The following GPR83 variants were observed in gnomAD, a reference collection of about 807,000 sequenced individuals.
The protein encoded by GPR83 is G protein-coupled receptor 83.
A neutral mutation model predicts 28.0 loss-of-function variants in GPR83; 23 were observed. The observed-to-expected ratio is 0.82, with a 90% CI of 0.59 to 1.16. The LOEUF is 1.16. GPR83 is among the 50% of genes most tolerant of loss of function. GPR83 has a pLI of 0.00. For synonymous variants in GPR83, 234 were observed against 215.4 expected, an observed-to-expected ratio of 1.09 and a Z score of -0.76; for missense variants, 610 against 536.6, an observed-to-expected ratio of 1.14 and a Z score of -1.35.
At chr11:94,392,094 C>G (rs1009549297) in intron 3 of GPR83, among the ~76,000 whole-genome samples, 2 of 152,016 alleles carry the variant, frequency 1.3e-5, no homozygotes, top group African/African-American at 2.4e-5. Flanking sequence ...CAATGATAGA[C>G]TGGATAAAGA....
intron 3 of GPR83, among the ~76,000 whole-genome samples, chr11:94,388,706 C>T (rs1591604452): frequency 6.6e-6 from 1 of 152,170 alleles, no homozygotes; most frequent in Non-Finnish European, 1.5e-5. Context: ...ATTCCATGCT[C>T]GTGGGTAGGA....
chr11:94,378,646 C>T lies in GPR83; in HGVS notation c.*1503G>A, dbSNP rs956637855. On this transcript the variant is annotated 3_prime_UTR_variant, in exon 4 of 4. Transcript: ENST00000243673. ...CACCAAAATGATGTTGACAGCGAATCTCCTTTTGAGAAATGGTGTGAAAAA... is the reference window on the plus strand; with the variant it reads ...CACCAAAATGATGTTGACAGCGAATTTCCTTTTGAGAAATGGTGTGAAAAA... 1 of 152,640 alleles carries T rather than the reference C, an allele frequency of 6.6e-6. No individual in the cohort carries two copies. The highest frequency in any genetic ancestry group is 2.4e-5 in the African/African-American group (1 of 41,450). The allele number at this position is 152,640 out of a possible 1,614,324, so 9.5% of individuals were successfully genotyped here.
intron 3 of GPR83, among the ~76,000 whole-genome samples, chr11:94,392,214 A>G (rs1038035981): frequency 1.3e-5 from 2 of 152,096 alleles, no homozygotes; most frequent in African/African-American, 4.8e-5. Flanking sequence ...TCAGCAAACT[A>G]TCACAAGAAC....
intron 1 of GPR83, among the ~76,000 whole-genome samples, chr11:94,397,518 T>C (rs1488298449): frequency 6.6e-6 from 1 of 152,212 alleles, no homozygotes; most frequent in Non-Finnish European, 1.5e-5. Context: ...GAGTATAATG[T>C]AGTGACTTAC....
intron 1 of GPR83, among the ~76,000 whole-genome samples, chr11:94,398,017 T>A (rs1362506513): frequency 6.6e-6 from 1 of 152,218 alleles, no homozygotes; most frequent in Non-Finnish European, 1.5e-5. Context: ...TTCTCACCCT[T>A]CACATTGGGA....
At chr11:94,393,693 G>T in intron 2 of GPR83, 75 bp from the exon 3 acceptor site, 1 of 1,384,926 alleles carries the variant, frequency 7.2e-7, no homozygotes, top group South Asian at 1.2e-5. Context: ...AGGCGCAGGT[G>T]CTCACTCCTG....
At position 94,396,501 on chromosome 11, in the gene GPR83, C is replaced by T. The variant is rs1446600064; in HGVS notation, c.411G>A (p.Trp137Ter). ...CATGGCACATGCCCTTCCCAAATAT[C>T]CATGTGCTGTTCACAAAGCGAACCT... ...FTLVRFVNST[W>*]IFGKGMCHVS... is the part of the protein sequence containing the mutation. Residue 137 changes from tryptophan (W) to a stop codon, truncating the protein, a stop_gained, in exon 2 of 4, where the codon TGG (tryptophan) becomes TGA (stop). Transcript: ENST00000243673. LOFTEE classifies it high-confidence loss of function. 6.2e-7 allele frequency: 1 copy of T among 1,614,034 alleles called. No homozygotes were observed. Among genetic ancestry groups the T allele is most frequent in the Admixed American group, 1.7e-5 (1 of 60,034 alleles).
Position 94,380,094 on chromosome 11 carries a change from C to T in GPR83, c.*55G>A. 3.6e-6 allele frequency: 5 copies of T among 1,400,734 alleles called. No homozygotes were observed. Among genetic ancestry groups the T allele is most frequent in the Non-Finnish European group, 4.8e-6 (5 of 1,042,162 alleles). 86.8% of individuals were successfully genotyped at this position (1,400,734 alleles called of 1,614,324 possible). ...AAGATCATGTGTGAGAATAGGCTCT[C>T]TTTCCCTGCCTCAGGTGGAGACAGA... On this transcript the variant is annotated 3_prime_UTR_variant, in exon 4 of 4. Transcript: ENST00000243673.
intron 1 of GPR83, among the ~76,000 whole-genome samples, chr11:94,399,833 C>T (rs1184343017): frequency 1.3e-5 from 2 of 152,196 alleles, no homozygotes; most frequent in Non-Finnish European, 2.9e-5. Context: ...TCAGTCATCG[C>T]CCTTACAGTC....
At chr11:94,392,023 CAT>C (rs1372768154) in intron 3 of GPR83, among the ~76,000 whole-genome samples, 18 of 152,194 alleles carry the variant, frequency 1.2e-4, no homozygotes, top group Admixed American at 1.3e-4. Flanking sequence ...CACACGCACA[CAT>C]ATGTTTATTG....
chr11:94,395,468 G>C (rs1031150816), intron 2 of GPR83, among the ~76,000 whole-genome samples: 1 of 152,164 alleles, frequency 6.6e-6, no homozygotes, highest in Admixed American at 6.5e-5. Context: ...CATGGGCTTG[G>C]AGCCAGACAG....
chr11:94,383,427 T>G (rs1208042611), intron 3 of GPR83, among the ~76,000 whole-genome samples: 3 of 151,414 alleles, frequency 2.0e-5, no homozygotes, highest in Admixed American at 2.0e-4. Context: ...TTAAAAGAAC[T>G]CAAGAAGCAA....
intron 3 of GPR83, among the ~76,000 whole-genome samples, chr11:94,386,317 C>A (rs1384860701): frequency 6.6e-6 from 1 of 152,126 alleles, no homozygotes; most frequent in East Asian, 1.9e-4. Flanking sequence ...CAGCTAACAT[C>A]ATAATGACAG....
In GPR83 at chr11:94,393,427, G is replaced by T. The variant is rs1430340827; in HGVS notation, c.647+58C>A. 5 of 1,556,486 alleles carry T rather than the reference G, an allele frequency of 3.2e-6. No individual in the cohort carries two copies. The African/African-American group carries it at 5.4e-5, about 17-fold the overall frequency. On this transcript the variant is annotated intron_variant, in intron 3 of 3. Transcript: ENST00000243673. ...TGGGGGCCTCAGGTATCCCTTGGTG[G>T]AGCCTGACTCAGGAGAAGACACAAG...
chr11:94,389,868 G>A (rs931340078), intron 3 of GPR83, among the ~76,000 whole-genome samples: 1 of 152,118 alleles, frequency 6.6e-6, no homozygotes, highest in African/African-American at 2.4e-5. Flanking sequence ...GACACATGCA[G>A]ACGTATGATT....
Position 94,400,881 on chromosome 11 carries a change from G to A in GPR83, c.367C>T (p.Leu123Phe), listed in dbSNP as rs1237324349. ...LAVADIMITL[L>F]NTPFTLVRFV... The stretch of plus-strand genomic sequence containing the variant: ...CTTACCAAAGTGAAGGGGGTGTTGA[G>A]CAGCGTGATCATTATGTCGGCAACT... The change falls in exon 1 of 4, where the codon CTC becomes TTC. Residue 123 changes from leucine to phenylalanine, a missense_variant. Leu to Phe is a conservative substitution (Grantham distance 22, BLOSUM62 0). Coordinates refer to ENST00000243673, the MANE Select transcript of GPR83 (RefSeq NM_016540.4). 4.3e-6 allele frequency: 7 copies of A among 1,614,168 alleles called. No individual in the cohort carries two copies. Among genetic ancestry groups the A allele is most frequent in the Non-Finnish European group, 5.9e-6 (7 of 1,179,998 alleles).
At chr11:94,400,740 G>C in intron 1 of GPR83, 121 bp downstream of exon 1, 1 of 778,564 alleles carries the variant, frequency 1.3e-6, no homozygotes. Flanking sequence ...GAGGAAGAGA[G>C]ATGTGGAGAG....
rs999757649 is a variant in GPR83, at chr11:94,401,355, C to G, written c.-108G>C. On this transcript the variant is annotated 5_prime_UTR_variant, in exon 1 of 4. Coordinates refer to ENST00000243673, the MANE Select transcript of GPR83 (RefSeq NM_016540.4). The stretch of plus-strand genomic sequence containing the variant: ...GGGCGCACAGCATACAAGGCCGTCC[C>G]GAGGAGCCAGGGAGCCCGGACGCGC... 43 of 1,110,368 alleles carry G rather than the reference C, an allele frequency of 3.9e-5. No individual in the cohort carries two copies. Among genetic ancestry groups the G allele is most frequent in the Admixed American group, 1.4e-4 (4 of 28,584 alleles). The allele number at this position is 1,110,368 out of a possible 1,614,324, so 68.8% of individuals were successfully genotyped here. A position where few individuals can be genotyped will look rare whatever the true frequency, so the allele number is the denominator to read the frequency against.
At chr11:94,388,398 T>A (rs561812476) in intron 3 of GPR83, among the ~76,000 whole-genome samples, 1 of 152,226 alleles carries the variant, frequency 6.6e-6, no homozygotes, top group Non-Finnish European at 1.5e-5. Flanking sequence ...TGTTTGCAGA[T>A]GACATGATCG....
Sources: allele counts gnomAD v4.1 joint callset (sites outside exome capture counted in the v4.1 genomes callset), GRCh38; gene constraint gnomAD v4.1.1; transcripts MANE v1.5; gene names NCBI Gene and HGNC (gene_info 2026-07-23, HGNC 2026-07-21).